The following AUTS2 variants were observed in gnomAD, a reference collection of about 807,000 sequenced individuals.
The protein encoded by AUTS2 is activator of transcription and developmental regulator AUTS2.
Under a neutral mutation model 112.4 loss-of-function variants are expected in AUTS2, and 17 were observed. That is an observed-to-expected ratio of 0.15 (90% CI 0.10 to 0.23). AUTS2 has a LOEUF of 0.23. AUTS2 is among the 10% of genes least tolerant of loss of function. The pLI, the probability that AUTS2 is intolerant of heterozygous loss-of-function variation, is 1.00. For synonymous variants in AUTS2, 751 were observed against 702.7 expected, an observed-to-expected ratio of 1.07 and a Z score of -1.09; for missense variants, 1,510 against 1,701.6, an observed-to-expected ratio of 0.89 and a Z score of 1.98.
intron 4 of AUTS2, among the ~76,000 whole-genome samples, chr7:70,323,228 A>C (rs958464199): frequency 1.3e-5 from 2 of 152,242 alleles, no homozygotes; most frequent in Non-Finnish European, 1.5e-5. Flanking sequence ...CGCTCAAAAC[A>C]GGCAGACCTA....
At chr7:69,779,963 C>G (rs1281135867) in intron 1 of AUTS2, among the ~76,000 whole-genome samples, 1 of 151,972 alleles carries the variant, frequency 6.6e-6, no homozygotes, top group African/African-American at 2.4e-5. Context: ...TCAAGCAGTC[C>G]TTTCACTTCA....
intron 5 of AUTS2, among the ~76,000 whole-genome samples, chr7:70,664,012 A>G (rs533740079): frequency 2.6e-4 from 39 of 152,350 alleles, no homozygotes; most frequent in Non-Finnish European, 4.9e-4. Flanking sequence ...CCACCAAGGC[A>G]GAAATGAAAT....
At chr7:70,051,501 G>C (rs1240033741) in intron 2 of AUTS2, among the ~76,000 whole-genome samples, 1 of 152,176 alleles carries the variant, frequency 6.6e-6, no homozygotes, top group Non-Finnish European at 1.5e-5. Flanking sequence ...TGGATCACCT[G>C]AGTTCAGGAG....
At chr7:69,965,182 C>T (rs73432138) in intron 2 of AUTS2, among the ~76,000 whole-genome samples, 1,557 of 152,160 alleles carry the variant, frequency 0.01, 38 homozygotes, top group African/African-American at 0.035. Context: ...GGTGATAGTT[C>T]CAAATGCTCC....
At chr7:70,382,622 T>C (rs1349998506) in intron 4 of AUTS2, among the ~76,000 whole-genome samples, 1 of 152,206 alleles carries the variant, frequency 6.6e-6, no homozygotes, top group Admixed American at 6.5e-5. Context: ...CCTAGTTCTC[T>C]ACCACTCTGC....
At chr7:70,156,890 G>GCAAA (rs1357928695) in intron 4 of AUTS2, among the ~76,000 whole-genome samples, 5 of 6,022 alleles carry the variant, frequency 8.3e-4, no homozygotes, top group Non-Finnish European at 1.4e-3. Context: ...TCTACTAAAA[G>GCAAA]TAAAAAAAAA....
intron 1 of AUTS2, among the ~76,000 whole-genome samples, chr7:69,610,555 C>A (rs755247459): frequency 6.6e-6 from 1 of 152,180 alleles, no homozygotes; most frequent in Non-Finnish European, 1.5e-5. Context: ...GTTTCCTGCA[C>A]GTGTTCCCGG....
At chr7:70,654,073 C>T (rs1186054856) in intron 5 of AUTS2, among the ~76,000 whole-genome samples, 1 of 152,134 alleles carries the variant, frequency 6.6e-6, no homozygotes, top group African/African-American at 2.4e-5. Flanking sequence ...TATGTTAATC[C>T]ACAGCCTATC....
At chr7:70,529,291 A>G (rs1213187470) in intron 5 of AUTS2, among the ~76,000 whole-genome samples, 1 of 152,118 alleles carries the variant, frequency 6.6e-6, no homozygotes. Context: ...TAAAAAATTT[A>G]TGTATTTCAT....
chr7:69,825,097 C>T (rs1012331937), intron 1 of AUTS2, among the ~76,000 whole-genome samples: 1 of 152,126 alleles, frequency 6.6e-6, no homozygotes, highest in African/African-American at 2.4e-5. Context: ...GTAGAGCTTT[C>T]TTTAGCGTTT....
intron 2 of AUTS2, among the ~76,000 whole-genome samples, chr7:69,936,271 G>A (rs893159771): frequency 6.6e-6 from 1 of 152,136 alleles, no homozygotes; most frequent in Non-Finnish European, 1.5e-5. Flanking sequence ...GTAAGACCTG[G>A]CCTGTATTGG....
chr7:70,670,088 G>A (rs1325530926), intron 5 of AUTS2, among the ~76,000 whole-genome samples: 5 of 152,152 alleles, frequency 3.3e-5, no homozygotes, highest in Admixed American at 6.5e-5. Context: ...TCCCTGCTAC[G>A]CTACACGCTG....
intron 2 of AUTS2, among the ~76,000 whole-genome samples, chr7:69,904,005 G>C (rs1795063811): frequency 6.6e-6 from 1 of 152,192 alleles, no homozygotes; most frequent in Non-Finnish European, 1.5e-5. Flanking sequence ...TGCTTTCTAG[G>C]AAGAAGAGGA....
intron 4 of AUTS2, among the ~76,000 whole-genome samples, chr7:70,400,721 A>G (rs958116725): frequency 1.3e-5 from 2 of 152,180 alleles, no homozygotes; most frequent in Admixed American, 6.5e-5. Context: ...AGGGAACGCC[A>G]TGGTGAGAGC....
intron 4 of AUTS2, among the ~76,000 whole-genome samples, chr7:70,299,830 T>A (rs200525157): frequency 0.011 from 1,584 of 147,808 alleles, 39 homozygotes; most frequent in African/African-American, 0.036. Context: ...TTTTTTCCTT[T>A]AAAAAAAAAA....
intron 2 of AUTS2, among the ~76,000 whole-genome samples, chr7:70,048,529 A>G (rs531029286): frequency 3.3e-5 from 5 of 152,302 alleles, no homozygotes; most frequent in Admixed American, 2.0e-4. Context: ...AACTTTAGTC[A>G]TTTTTACATC....
At chr7:70,417,690 G>A (rs1318189468) in intron 4 of AUTS2, among the ~76,000 whole-genome samples, 1 of 152,186 alleles carries the variant, frequency 6.6e-6, no homozygotes, top group Non-Finnish European at 1.5e-5. Context: ...TCTGAACTGG[G>A]AAGGATGAGC....
intron 4 of AUTS2, among the ~76,000 whole-genome samples, chr7:70,232,426 CAG>C (rs903355025): frequency 9.3e-5 from 14 of 150,766 alleles, no homozygotes; most frequent in Admixed American, 2.6e-4. Flanking sequence ...TTTTGAGAGA[CAG>C]AGTCCCACTC....
At chr7:70,762,605 T>A (rs905313123) in intron 6 of AUTS2, among the ~76,000 whole-genome samples, 3 of 152,158 alleles carry the variant, frequency 2.0e-5, no homozygotes, top group Non-Finnish European at 4.4e-5. Flanking sequence ...CTCTGGCCAG[T>A]TGGCCTTTCT....
Sources: allele counts gnomAD v4.1 joint callset (sites outside exome capture counted in the v4.1 genomes callset), GRCh38; gene constraint gnomAD v4.1.1; transcripts MANE v1.5; gene names NCBI Gene and HGNC (gene_info 2026-07-23, HGNC 2026-07-21).